Variants in PSME4 observed in about 807,000 individuals in gnomAD.
PSME4 encodes the protein proteasome activator complex subunit 4.
A neutral mutation model predicts 253.9 loss-of-function variants in PSME4; 89 were observed. That is an observed-to-expected ratio of 0.35 (90% CI 0.30 to 0.42). PSME4 has a LOEUF of 0.42. Ranked by LOEUF, PSME4 falls within the 10% of genes least tolerant of loss-of-function variation. The pLI is 1.00. For missense variants in PSME4, 2,014 were observed against 2,195.2 expected (o/e 0.92, Z 1.65); for synonymous variants, 851 against 759.2 (o/e 1.12, Z -1.99).
At chr2:53,873,254 A>G (rs536467204) in intron 43 of PSME4, among the ~76,000 whole-genome samples, 1 of 151,968 alleles carries the variant, frequency 6.6e-6, no homozygotes, top group African/African-American at 2.4e-5. Flanking sequence ...AAAAGAAAAA[A>G]AAAAACAGTT....
chr2:53,902,110 G>A (rs1680429589), intron 27 of PSME4, among the ~76,000 whole-genome samples: 1 of 152,032 alleles, frequency 6.6e-6, no homozygotes. Flanking sequence ...CTACTAATAA[G>A]GTAATAAAGA....
chr2:53,888,666 T>C, intron 38 of PSME4, 55 bp downstream of exon 38: 2 of 1,232,390 alleles, frequency 1.6e-6, no homozygotes, highest in Non-Finnish European at 2.4e-6. Context: ...CATTTATACA[T>C]AAGTTAACAC....
chr2:53,933,018 G>GATAAC (rs1251348096), intron 8 of PSME4: 1 of 398,654 alleles, frequency 2.5e-6, no homozygotes, highest in Non-Finnish European at 4.6e-6. Context: ...GTCAACTTAG[G>GATAAC]ATAACAAACA....
rs1022801343 is a variant in PSME4 at position 53,888,820 on chromosome 2, T to C, written c.4297-8A>G. On this transcript the variant is annotated splice_polypyrimidine_tract_variant and splice_region_variant and intron_variant, in intron 37 of 46. Transcript: ENST00000404125. ...CCGGGGATCTCTGCTTTCCTGTGTTTAAAATATGATGTAACAGTTCAACAG... is the reference window on the plus strand; with the variant it reads ...CCGGGGATCTCTGCTTTCCTGTGTTCAAAATATGATGTAACAGTTCAACAG... 6.3e-7 allele frequency: 1 copy of C among 1,591,988 alleles called. No individual in the cohort carries two copies. The highest frequency in any genetic ancestry group is 8.6e-7 in the Non-Finnish European group (1 of 1,160,570).
chr2:53,866,130 C>G lies in PSME4; in HGVS notation c.5491G>C (p.Val1831Leu). 2 of 1,613,314 alleles carry G rather than the reference C, an allele frequency of 1.2e-6. No individual in the cohort carries two copies. The highest frequency in any genetic ancestry group is 8.5e-7 in the Non-Finnish European group (1 of 1,179,266). Reference sequence around the variant, plus strand: ...GGTGACACAAGAAGATCGGTGAGAACAAGCAGTTGGTCATCAGTGAATTGC... The same window carrying G: ...GGTGACACAAGAAGATCGGTGAGAAGAAGCAGTTGGTCATCAGTGAATTGC... ...KQQFTDDQLL[V>L]LTDLLVSPCY... is the part of the protein sequence containing the mutation. The change falls in exon 46 of 47, where the codon GTT becomes CTT. Residue 1831 changes from valine (V) to leucine (L), a missense_variant. Val to Leu is a conservative substitution (Grantham distance 32). Transcript: ENST00000404125.
chr2:53,878,528 C>G (rs1287385861), intron 41 of PSME4, among the ~76,000 whole-genome samples: 1 of 152,224 alleles, frequency 6.6e-6, no homozygotes, highest in East Asian at 1.9e-4. Flanking sequence ...TATTTCTCTT[C>G]TTTCAAAAGC....
intron 41 of PSME4, among the ~76,000 whole-genome samples, chr2:53,877,661 A>G (rs575802617): frequency 6.6e-6 from 1 of 152,282 alleles, no homozygotes; most frequent in Non-Finnish European, 1.5e-5. Flanking sequence ...GATTCTTTCT[A>G]AACTAGATTA....
chr2:53,866,934 T>A, intron 44 of PSME4, 54 bp from the exon 45 acceptor site: 1 of 1,503,108 alleles, frequency 6.7e-7, no homozygotes, highest in Admixed American at 2.1e-5. Context: ...CTAATGCACT[T>A]GTTACAGTGA....
At chr2:53,958,674 A>T (rs191421254) in intron 1 of PSME4, among the ~76,000 whole-genome samples, 7 of 152,208 alleles carry the variant, frequency 4.6e-5, no homozygotes, top group Non-Finnish European at 1.0e-4. Context: ...TCAAAAGAAT[A>T]GGTAACAAAA....
At chr2:53,943,012 C>A (rs553776834) in intron 3 of PSME4, among the ~76,000 whole-genome samples, 1 of 152,302 alleles carries the variant, frequency 6.6e-6, no homozygotes, top group Non-Finnish European at 1.5e-5. Context: ...AACCAATAGT[C>A]TTCGCCTCCA....
rs1047749724 is a variant in PSME4, at chr2:53,950,304, T to C, written c.243-1021A>G. Among the ~76,000 whole-genome samples the C allele has an allele frequency of 4.7e-5, 7 of 150,030 alleles. No homozygotes were observed. In the East Asian group the frequency reaches 1.4e-3, roughly 29 times the overall value. On this transcript the variant is annotated intron_variant, in intron 1 of 46. Transcript: ENST00000404125. ...GTCTTCCAAAAAAAAAAAAAGGAGA[T>C]TGCCAAATAAGTATCTTATGGTAAC...
Position 53,931,940 on chromosome 2 carries a change from A to G in PSME4, c.1211T>C (p.Val404Ala). The change falls in exon 10 of 47, where the codon GTC (valine) becomes GCC (alanine). Residue 404 changes from valine to alanine, a missense_variant. Val to Ala is a moderately conservative substitution (Grantham distance 64). Transcript: ENST00000404125. ...GGTTTTGCTAAACATAGCCAAGAGG[A>G]CAGGCTGAATAATGCATTGTACAAA... is the stretch of plus-strand genomic sequence containing the variant. ...TDFVQCIIQP[V>A]LLAMFSKTGS... 1 of 1,614,102 alleles carries G rather than the reference A, an allele frequency of 6.2e-7. No homozygotes were observed. The highest frequency in any genetic ancestry group is 8.5e-7 in the Non-Finnish European group (1 of 1,179,934).
At chr2:53,966,527 C>T (rs1191371057) in intron 1 of PSME4, among the ~76,000 whole-genome samples, 1 of 150,628 alleles carries the variant, frequency 6.6e-6, no homozygotes, top group East Asian at 2.0e-4. Context: ...AGCCAGGCGT[C>T]GTGGCACATG....
intron 1 of PSME4, among the ~76,000 whole-genome samples, chr2:53,959,042 G>C (rs558432632): frequency 6.6e-6 from 1 of 152,172 alleles, no homozygotes; most frequent in Non-Finnish European, 1.5e-5. Flanking sequence ...AGAGCTGGGC[G>C]TGGTGGCTCA....
Position 53,970,779 on chromosome 2 carries a change from C to G in PSME4, c.6G>C (p.Glu2Asp). 6.5e-7 allele frequency: 1 copy of G among 1,541,112 alleles called. No homozygotes were observed. Among genetic ancestry groups the G allele is most frequent in the Admixed American group, 2.0e-5 (1 of 50,318 alleles). Reference sequence around the variant, plus strand: ...CTCCGACTCCCGCCCGCTCGGCCGGCTCCATGAGCCCAGGGACACCCCCCC... The same window carrying G: ...CTCCGACTCCCGCCCGCTCGGCCGGGTCCATGAGCCCAGGGACACCCCCCC... M[E>D]PAERAGVGEP... Residue 2 changes from glutamate (E) to aspartate (D), a missense_variant, in exon 1 of 47, where the codon GAG (glutamate) becomes GAC (aspartate). Coordinates refer to ENST00000404125, the MANE Select transcript of PSME4 (RefSeq NM_014614.3).
chr2:53,914,412 C>A (rs1667964856), intron 20 of PSME4, among the ~76,000 whole-genome samples: 1 of 152,116 alleles, frequency 6.6e-6, no homozygotes, highest in Non-Finnish European at 1.5e-5. Context: ...TCTAAAGGTT[C>A]CAAGAGCAAA....
At chr2:53,886,111 T>C (rs1283564687) in intron 40 of PSME4, among the ~76,000 whole-genome samples, 3 of 152,100 alleles carry the variant, frequency 2.0e-5, no homozygotes, top group African/African-American at 7.2e-5. Flanking sequence ...AACAAAACAA[T>C]CTAATTCAGA....
intron 8 of PSME4, 48 bp downstream of exon 8, chr2:53,934,557 C>T: frequency 6.4e-7 from 1 of 1,566,180 alleles, no homozygotes; most frequent in Non-Finnish European, 8.7e-7. Context: ...GTAAGGTTAA[C>T]ACAAAATAGG....
rs35223836 is a variant in PSME4, at chr2:53,965,246, ATTT to A, written c.242+5294_242+5296del. 4.5e-3 allele frequency among the ~76,000 whole-genome samples: 632 copies of A among 141,540 alleles called. 6 individuals carry two copies. Among genetic ancestry groups the A allele is most frequent in the African/African-American group, 0.016 (600 of 38,542 alleles). 92.9% of individuals were successfully genotyped at this position (141,540 alleles called of 152,430 possible). A position where few individuals can be genotyped will look rare whatever the true frequency, so the allele number is the denominator to read the frequency against. ...AACAAAGAACTAGAAAGGCCAAGTGATTTTTTTTTTTTTTTTTGTAAGACAAGA... is the reference window on the plus strand; with the variant it reads ...AACAAAGAACTAGAAAGGCCAAGTGATTTTTTTTTTTTTTGTAAGACAAGA... On this transcript the variant is annotated intron_variant, in intron 1 of 46. Transcript: ENST00000404125.
Sources: allele counts gnomAD v4.1 joint callset (sites outside exome capture counted in the v4.1 genomes callset), GRCh38; gene constraint gnomAD v4.1.1; transcripts MANE v1.5; gene names NCBI Gene and HGNC (gene_info 2026-07-23, HGNC 2026-07-21).